CTNNA1: variants seen among roughly 807,000 people sequenced by gnomAD.
The protein encoded by CTNNA1 is catenin alpha 1.
In CTNNA1, 37 loss-of-function variants were observed where a neutral mutation model predicts 98.4. That is an observed-to-expected ratio of 0.38 (90% CI 0.29 to 0.49). The LOEUF is 0.49. Among genes scored for constraint, CTNNA1 ranks in the 20% least tolerant of loss-of-function variants. The pLI is 0.95. For missense variants in CTNNA1, 761 were observed against 1,147.2 expected (o/e 0.66, Z 4.86); for synonymous variants, 404 against 413.2 (o/e 0.98, Z 0.27).
At chr5:138,775,714 CTTTTTTTTTTTT>C (rs750615535) in intron 1 of CTNNA1, among the ~76,000 whole-genome samples, 24 of 82,526 alleles carry the variant, frequency 2.9e-4, no homozygotes, top group Admixed American at 4.9e-4. Flanking sequence ...GGAAATATTT[CTTTTTTTTTTTT>C]TTTTTTTTTT....
chr5:138,754,022 C>G (rs972381223), intron 1 of CTNNA1: 2 of 152,224 alleles, frequency 1.3e-5, no homozygotes, highest in South Asian at 2.1e-4. Flanking sequence ...TGAGACTTCC[C>G]GATGGGGCGG....
intron 3 of CTNNA1, among the ~76,000 whole-genome samples, chr5:138,799,882 A>ATGTATGTG (rs1393122077): frequency 2.1e-5 from 3 of 140,952 alleles, no homozygotes; most frequent in East Asian, 4.4e-4. Flanking sequence ...GTATGTATGT[A>ATGTATGTG]TGTATGTATG....
intron 10 of CTNNA1, among the ~76,000 whole-genome samples, chr5:138,907,249 T>G (rs578006658): frequency 3.3e-5 from 5 of 152,330 alleles, no homozygotes; most frequent in African/African-American, 1.2e-4. Flanking sequence ...CTTGAACTCC[T>G]GGCCTCAAGT....
chr5:138,893,846 A>G (rs993421256), intron 9 of CTNNA1, among the ~76,000 whole-genome samples: 1 of 151,876 alleles, frequency 6.6e-6, no homozygotes, highest in Non-Finnish European at 1.5e-5. Context: ...CTGGTCTCGA[A>G]CTCCTGACCT....
intron 7 of CTNNA1, among the ~76,000 whole-genome samples, chr5:138,855,127 C>T (rs907526212): frequency 1.3e-5 from 2 of 152,222 alleles, no homozygotes; most frequent in African/African-American, 4.8e-5. Context: ...CAACCTCCGC[C>T]TCCCGGGTTC....
At chr5:138,842,993 C>T (rs560225425) in intron 7 of CTNNA1, among the ~76,000 whole-genome samples, 1 of 152,256 alleles carries the variant, frequency 6.6e-6, no homozygotes, top group African/African-American at 2.4e-5. Context: ...CCTGGAATTA[C>T]ACTAATTTGG....
intron 7 of CTNNA1, chr5:138,875,368 T>G: frequency 1.0e-6 from 1 of 993,342 alleles, no homozygotes; most frequent in South Asian, 4.5e-5. Context: ...CACACAGAAC[T>G]GTATATAGGC....
intron 3 of CTNNA1, among the ~76,000 whole-genome samples, chr5:138,795,275 C>G (rs541794624): frequency 6.6e-6 from 1 of 151,126 alleles, no homozygotes; most frequent in Non-Finnish European, 1.5e-5. Context: ...GCCTGACCAA[C>G]ATGGTGAGAC....
intron 1 of CTNNA1, chr5:138,754,457 G>A (rs1751402242): frequency 6.6e-6 from 1 of 152,086 alleles, no homozygotes; most frequent in Non-Finnish European, 1.5e-5. Context: ...GTTTTGTACA[G>A]AATTTACAAT....
intron 10 of CTNNA1, among the ~76,000 whole-genome samples, chr5:138,910,468 CTT>C (rs1310933027): frequency 2.0e-5 from 3 of 151,542 alleles, no homozygotes; most frequent in Non-Finnish European, 2.9e-5. Flanking sequence ...ATTTTCTACT[CTT>C]TGTTTTCTTC....
At chr5:138,796,557 A>ACG (rs1554080629) in intron 3 of CTNNA1, among the ~76,000 whole-genome samples, 3 of 65,638 alleles carry the variant, frequency 4.6e-5, no homozygotes, top group Non-Finnish European at 8.7e-5. Context: ...AAAAAAAAAA[A>ACG]AAGTAGTAGG....
intron 1 of CTNNA1, chr5:138,755,176 A>C (rs1751489496): frequency 2.6e-5 from 4 of 152,222 alleles, no homozygotes; most frequent in Admixed American, 2.0e-4. Context: ...AAGTGCCTTA[A>C]CAGTACTAAT....
intron 10 of CTNNA1, among the ~76,000 whole-genome samples, chr5:138,915,266 A>G (rs1761495187): frequency 1.3e-5 from 2 of 152,224 alleles, no homozygotes; most frequent in African/African-American, 4.8e-5. Flanking sequence ...TTATTCACTT[A>G]TTCAATGAAT....
At chr5:138,783,846 A>G (rs532328517) in intron 3 of CTNNA1, among the ~76,000 whole-genome samples, 7 of 152,346 alleles carry the variant, frequency 4.6e-5, no homozygotes, top group South Asian at 2.1e-4. Flanking sequence ...AAATTGTCCT[A>G]TTGTGTCAGA....
chr5:138,760,368 A>C (rs943251732), intron 1 of CTNNA1, among the ~76,000 whole-genome samples: 2 of 94,858 alleles, frequency 2.1e-5, no homozygotes, highest in African/African-American at 7.1e-5. Context: ...TTATCCATTC[A>C]TACTTTTTTT....
chr5:138,772,099 T>G (rs1753617650), intron 1 of CTNNA1, among the ~76,000 whole-genome samples: 1 of 152,242 alleles, frequency 6.6e-6, no homozygotes, highest in East Asian at 1.9e-4. Flanking sequence ...TGAGGCAGTT[T>G]GCCAGTTATC....
At chr5:138,772,878 AG>A (rs1309861747) in intron 1 of CTNNA1, among the ~76,000 whole-genome samples, 1 of 125,044 alleles carries the variant, frequency 8.0e-6, no homozygotes, top group Non-Finnish European at 1.7e-5. Context: ...TTTGGAGTAT[AG>A]AATTCAACTT....
chr5:138,873,331 G>A lies in CTNNA1; in HGVS notation c.1063-12881G>A. ...AGATGGCATTGTCTGGTTCAGGAAA[G>A]TGTTCCTCGGTAGTAACTGCTATGC... is the stretch of plus-strand genomic sequence containing the variant. On this transcript the variant is annotated intron_variant, in intron 7 of 17. Coordinates refer to ENST00000302763, the MANE Select transcript of CTNNA1 (RefSeq NM_001903.5). The surrounding 1 kb of genome is among the most constrained non-coding windows in gnomAD (Gnocchi z 6.1). 6.2e-7 allele frequency: 1 copy of A among 1,614,052 alleles called. No homozygotes were observed. Among genetic ancestry groups the A allele is most frequent in the Non-Finnish European group, 8.5e-7 (1 of 1,179,896 alleles).
At chr5:138,821,609 G>A (rs1039917266) in intron 5 of CTNNA1, among the ~76,000 whole-genome samples, 1 of 152,156 alleles carries the variant, frequency 6.6e-6, no homozygotes, top group Non-Finnish European at 1.5e-5. Context: ...AGAAATGAGA[G>A]GAAACTTCCA....
Sources: allele counts gnomAD v4.1 joint callset (sites outside exome capture counted in the v4.1 genomes callset), GRCh38; gene constraint gnomAD v4.1.1; non-coding constraint Gnocchi (gnomAD v3.1); transcripts MANE v1.5; gene names NCBI Gene and HGNC (gene_info 2026-07-23, HGNC 2026-07-21).